CDCA2: variants seen among roughly 807,000 people sequenced by gnomAD.
CDCA2 encodes cell division cycle-associated protein 2.
A neutral mutation model predicts 67.0 loss-of-function variants in CDCA2; 44 were observed. The observed-to-expected ratio is 0.66, with a 90% CI of 0.52 to 0.84. CDCA2 has a LOEUF of 0.84. Among genes scored for constraint, CDCA2 ranks in the 40% least tolerant of loss-of-function variants. The pLI is 0.00. For missense variants in CDCA2, 1,253 were observed against 1,203.2 expected (o/e 1.04, Z -0.61); for synonymous variants, 447 against 418.7 (o/e 1.07, Z -0.82).
At chr8:25,493,529 A>G (rs1210900041) in intron 13 of CDCA2, among the ~76,000 whole-genome samples, 1 of 152,238 alleles carries the variant, frequency 6.6e-6, no homozygotes, top group African/African-American at 2.4e-5. Context: ...TTTGCAACTC[A>G]TATCAGACAC....
intron 13 of CDCA2, among the ~76,000 whole-genome samples, chr8:25,500,488 A>G (rs932288739): frequency 7.9e-5 from 12 of 152,120 alleles, no homozygotes; most frequent in African/African-American, 2.2e-4. Context: ...CCATACGTAT[A>G]TTCAATTTTT....
intron 7 of CDCA2, among the ~76,000 whole-genome samples, chr8:25,479,110 CAT>C (rs1803467683): frequency 6.6e-6 from 1 of 152,106 alleles, no homozygotes; most frequent in South Asian, 2.1e-4. Flanking sequence ...TTTACATGCA[CAT>C]ACTTTTTGTG....
In CDCA2 at chr8:25,488,593, G is replaced by T; in HGVS notation, c.1575G>T (p.Leu525Phe). 1 of 1,612,890 alleles carries T rather than the reference G, an allele frequency of 6.2e-7. No individual in the cohort carries two copies. The highest frequency in any genetic ancestry group is 1.1e-5 in the South Asian group (1 of 90,888). Residue 525 changes from leucine (L) to phenylalanine (F), a missense_variant, in exon 13 of 15, where the codon TTG (leucine) becomes TTT (phenylalanine). Transcript: ENST00000330560. ...SVVEESVCNL[L>F]NTEVQPCKEK... is the part of the protein sequence containing the mutation. ...TAGAAGAGAGTGTTTGCAACTTATT[G>T]AATACAGAAGTTCAGCCTTGTAAAG... is the stretch of plus-strand genomic sequence containing the variant.
chr8:25,486,109 CTT>C (rs1402411634), intron 11 of CDCA2, among the ~76,000 whole-genome samples: 17 of 151,670 alleles, frequency 1.1e-4, no homozygotes, highest in African/African-American at 4.2e-4. Flanking sequence ...CCTCTCAACT[CTT>C]AAGTATCAAT....
intron 5 of CDCA2, among the ~76,000 whole-genome samples, chr8:25,467,647 TCTTTGTA>T (rs1364518277): frequency 6.6e-6 from 1 of 152,200 alleles, no homozygotes; most frequent in African/African-American, 2.4e-5. Context: ...TTTTAGTATA[TCTTTGTA>T]CCTTTTAAGG....
At position 25,502,094 on chromosome 8, in the gene CDCA2, A is replaced by C. The variant is rs148164286; in HGVS notation, c.1672-1279A>C. On this transcript the variant is annotated intron_variant, in intron 13 of 14. Coordinates refer to ENST00000330560, the MANE Select transcript of CDCA2 (RefSeq NM_152562.4). ...TGTATTTTTAGTAGAGACGGCTTTCACCATGTTGGCCAGGATGGTCTCGAT... is the reference window on the plus strand; with the variant it reads ...TGTATTTTTAGTAGAGACGGCTTTCCCCATGTTGGCCAGGATGGTCTCGAT... Among the ~76,000 whole-genome samples, 1,165 of 152,078 alleles carry C rather than the reference A, an allele frequency of 7.7e-3. 11 individuals are homozygous for C. The highest frequency in any genetic ancestry group is 8.5e-3 in the Non-Finnish European group (579 of 67,992).
At chr8:25,485,735 A>G (rs1803749577) in intron 10 of CDCA2, 24 bp from the exon 11 acceptor site, 2 of 1,440,546 alleles carry the variant, frequency 1.4e-6, no homozygotes, top group Admixed American at 2.0e-5. Context: ...AAGATATCTA[A>G]CTTCTGTCTT....
At chr8:25,498,453 A>ACCCCCCCCCCCCCCCCCCCCCCC (rs60633246) in intron 13 of CDCA2, among the ~76,000 whole-genome samples, 34 of 76,648 alleles carry the variant, frequency 4.4e-4, no homozygotes, top group Admixed American at 1.1e-3. Context: ...GGTAATCTGC[A>ACCCCCCCCCCCCCCCCCCCCCCC]CCCCCCCCCC....
intron 6 of CDCA2, 148 bp downstream of exon 6, chr8:25,468,561 G>GCA: frequency 4.0e-6 from 2 of 501,180 alleles, no homozygotes; most frequent in Non-Finnish European, 7.1e-6. Context: ...GTGTGTGCGT[G>GCA]TGTGTGTGTG....
At chr8:25,461,327 G>T (rs964563118) in intron 3 of CDCA2, among the ~76,000 whole-genome samples, 2 of 149,500 alleles carry the variant, frequency 1.3e-5, no homozygotes, top group Admixed American at 1.3e-4. Flanking sequence ...AATGTCCTTC[G>T]AGCAGTAGAA....
intron 5 of CDCA2, 86 bp downstream of exon 5, chr8:25,466,411 A>G (rs533731360): frequency 1.8e-4 from 230 of 1,245,448 alleles, no homozygotes; most frequent in Middle Eastern, 4.6e-4. Context: ...TGTGAAGCCA[A>G]TCTTTTCAGA....
In CDCA2 at chr8:25,461,268, C is replaced by CA. The variant is rs61333775; in HGVS notation, c.232+737dup. Among the ~76,000 whole-genome samples, 578 of 95,734 alleles carry CA rather than the reference C, an allele frequency of 6.0e-3. 2 individuals carry two copies. Among genetic ancestry groups the CA allele is most frequent in the African/African-American group, 0.02 (472 of 23,958 alleles). The allele number at this position is 95,734 out of a possible 152,430, so 62.8% of individuals were successfully genotyped here. A position where few individuals can be genotyped will look rare whatever the true frequency, so the allele number is the denominator to read the frequency against. On this transcript the variant is annotated intron_variant, in intron 3 of 14. Coordinates refer to ENST00000330560, the MANE Select transcript of CDCA2 (RefSeq NM_152562.4). Reference sequence around the variant, plus strand: ...GGCAACAAGAGTGAAACTCTGTCTCCAAAAAAAAAAAAAAAAAAAAAAACA... The same window carrying CA: ...GGCAACAAGAGTGAAACTCTGTCTCCAAAAAAAAAAAAAAAAAAAAAAAACA...
At chr8:25,489,572 C>CTACT (rs998780959) in intron 13 of CDCA2, among the ~76,000 whole-genome samples, 6 of 152,170 alleles carry the variant, frequency 3.9e-5, no homozygotes, top group Admixed American at 1.3e-4. Context: ...GGGGATAGTA[C>CTACT]TACTACACAT....
chr8:25,474,259 T>C (rs546814647), intron 7 of CDCA2, among the ~76,000 whole-genome samples: 1 of 152,338 alleles, frequency 6.6e-6, no homozygotes, highest in African/African-American at 2.4e-5. Flanking sequence ...AATTTTCTTA[T>C]ATGTAGCAGG....
At chr8:25,467,231 T>C (rs571373611) in intron 5 of CDCA2, among the ~76,000 whole-genome samples, 4 of 152,050 alleles carry the variant, frequency 2.6e-5, no homozygotes, top group Admixed American at 2.0e-4. Context: ...CTGTAATCAT[T>C]ATAACCATTC....
At chr8:25,478,884 G>GTATATA (rs1395153332) in intron 7 of CDCA2, among the ~76,000 whole-genome samples, 2 of 117,568 alleles carry the variant, frequency 1.7e-5, no homozygotes, top group Non-Finnish European at 1.7e-5. Context: ...CTTGTTGTGT[G>GTATATA]TGTGTATATA....
At chr8:25,489,661 A>G (rs974079096) in intron 13 of CDCA2, among the ~76,000 whole-genome samples, 2 of 152,124 alleles carry the variant, frequency 1.3e-5, no homozygotes, top group African/African-American at 4.8e-5. Flanking sequence ...CATACTTTTC[A>G]GTTCTGTTCT....
intron 13 of CDCA2, among the ~76,000 whole-genome samples, chr8:25,488,980 T>G (rs938206042): frequency 6.6e-6 from 1 of 152,190 alleles, no homozygotes; most frequent in Non-Finnish European, 1.5e-5. Flanking sequence ...TACCCCAACA[T>G]ATTACCCTAT....
chr8:25,500,765 G>C (rs1360308788), intron 13 of CDCA2, among the ~76,000 whole-genome samples: 2 of 152,162 alleles, frequency 1.3e-5, no homozygotes, highest in Non-Finnish European at 2.9e-5. Context: ...CATGGGTCAG[G>C]CCCTACATTA....
Sources: allele counts gnomAD v4.1 joint callset (sites outside exome capture counted in the v4.1 genomes callset), GRCh38; gene constraint gnomAD v4.1.1; transcripts MANE v1.5; gene names NCBI Gene and HGNC (gene_info 2026-07-23, HGNC 2026-07-21).